Variants in TMEM177 observed in about 807,000 individuals in gnomAD.
The protein encoded by TMEM177 is transmembrane protein 177.
Under a neutral mutation model 14.2 loss-of-function variants are expected in TMEM177, and 4 were observed. That is an observed-to-expected ratio of 0.28 (90% CI 0.14 to 0.64). TMEM177 has a LOEUF of 0.64. Among genes scored for constraint, TMEM177 ranks in the 30% least tolerant of loss-of-function variants. The pLI is 0.82. For missense variants in TMEM177, 344 were observed against 405.2 expected, an observed-to-expected ratio of 0.85 and a Z score of 1.30; for synonymous variants, 179 against 174.5, an observed-to-expected ratio of 1.03 and a Z score of -0.20.
chr2:119,713,668 C>T, the TMEM177 span, among the ~76,000 whole-genome samples: 4 of 152,070 alleles, frequency 2.6e-5, no homozygotes, highest in African/African-American at 4.8e-5. Flanking sequence ...TGAGAGACCC[C>T]ATCTCTTGAA....
the TMEM177 span, among the ~76,000 whole-genome samples, chr2:119,692,002 C>G: frequency 6.6e-6 from 1 of 152,200 alleles, no homozygotes; most frequent in Admixed American, 6.5e-5. Flanking sequence ...AGAGGAAGCA[C>G]AACCGATGTC....
chr2:119,694,597 GC>G, the TMEM177 span, among the ~76,000 whole-genome samples: 3 of 152,322 alleles, frequency 2.0e-5, no homozygotes, highest in East Asian at 5.8e-4. Flanking sequence ...CCTCCTCCTG[GC>G]CCCTTTGAAG....
the TMEM177 span, among the ~76,000 whole-genome samples, chr2:119,708,680 C>CAT: frequency 1.4e-5 from 2 of 145,828 alleles, no homozygotes; most frequent in African/African-American, 2.5e-5. Context: ...CACACATACA[C>CAT]ACACACACAG....
At chr2:119,684,517 A>T (rs1254628577), downstream of TMEM177, among the ~76,000 whole-genome samples, 1 of 134,460 alleles carries the variant, frequency 7.4e-6, no homozygotes, top group Non-Finnish European at 1.6e-5. Flanking sequence ...ACAGCTCTAA[A>T]TTGAGGCTCT....
At chr2:119,702,840 T>C in the TMEM177 span, among the ~76,000 whole-genome samples, 1 of 152,202 alleles carries the variant, frequency 6.6e-6, no homozygotes, top group Non-Finnish European at 1.5e-5. Flanking sequence ...CCTCCTGCTC[T>C]AACCAAAACA....
chr2:119,680,831 G>C lies in TMEM177; in HGVS notation c.-22-1G>C. Reference sequence around the variant, plus strand: ...GCTGACTTCTCTTTTTCTTGGCCCAGATTGTCCGCAGTGACTACACTCATG... The same window carrying C: ...GCTGACTTCTCTTTTTCTTGGCCCACATTGTCCGCAGTGACTACACTCATG... On this transcript the variant is annotated splice_acceptor_variant, in intron 1 of 1. Coordinates refer to ENST00000272521, the MANE Select transcript of TMEM177 (RefSeq NM_030577.3). LOFTEE classifies it low-confidence loss of function (5UTR_SPLICE). 1 of 1,597,382 alleles carries C rather than the reference G, an allele frequency of 6.3e-7. No individual in the cohort carries two copies. Among genetic ancestry groups the C allele is most frequent in the Non-Finnish European group, 8.6e-7 (1 of 1,168,848 alleles).
the TMEM177 span, among the ~76,000 whole-genome samples, chr2:119,721,975 C>T: frequency 6.6e-6 from 1 of 152,188 alleles, no homozygotes; most frequent in African/African-American, 2.4e-5. Context: ...ATTGGCTAAT[C>T]AATCTTCCCA....
chr2:119,681,251 G>A lies in TMEM177; in HGVS notation c.398G>A (p.Ser133Asn). The A allele has an allele frequency of 6.2e-7, 1 of 1,614,254 alleles. No individual in the cohort carries two copies. Among genetic ancestry groups the A allele is most frequent in the Non-Finnish European group, 8.5e-7 (1 of 1,180,044 alleles). ...VIHGHTVDWR[S>N]PAGARLRASL... ...CATGGGCATACAGTGGACTGGCGGA[G>A]CCCAGCAGGCGCCCGGCTGAGAGCT... The change falls in exon 2 of 2, where the codon AGC becomes AAC. Residue 133 changes from serine to asparagine, a missense_variant. Ser to Asn is a conservative substitution (Grantham distance 46). Coordinates refer to ENST00000272521, the MANE Select transcript of TMEM177 (RefSeq NM_030577.3).
At chr2:119,706,019 A>ATATATTATT in the TMEM177 span, among the ~76,000 whole-genome samples, 37 of 136,222 alleles carry the variant, frequency 2.7e-4, no homozygotes, top group African/African-American at 7.6e-4. Context: ...TATTATATAT[A>ATATATTATT]TTTATATATA....
At chr2:119,695,740 C>G in the TMEM177 span, among the ~76,000 whole-genome samples, 1 of 152,210 alleles carries the variant, frequency 6.6e-6, no homozygotes, top group African/African-American at 2.4e-5. Context: ...TTTTTTTGAA[C>G]TTCACAGCAC....
At chr2:119,718,250 AG>A in the TMEM177 span, among the ~76,000 whole-genome samples, 17 of 152,288 alleles carry the variant, frequency 1.1e-4, no homozygotes, top group South Asian at 3.3e-3. Flanking sequence ...TTCCTTACCA[AG>A]CTGTGTCAGG....
downstream of TMEM177, among the ~76,000 whole-genome samples, chr2:119,690,759 G>T (rs115733964): frequency 1.3e-5 from 2 of 152,218 alleles, no homozygotes; most frequent in Admixed American, 1.3e-4. Context: ...CTAGTTAAGC[G>T]CGGACAGCTC....
chr2:119,699,070 G>A, the TMEM177 span: 20 of 200,604 alleles, frequency 1.0e-4, no homozygotes, highest in African/African-American at 4.2e-4. Flanking sequence ...GCCACGAAGT[G>A]TCTGAACGAT....
the TMEM177 span, among the ~76,000 whole-genome samples, chr2:119,705,166 A>G: frequency 1.3e-5 from 2 of 152,176 alleles, no homozygotes; most frequent in Non-Finnish European, 2.9e-5. Flanking sequence ...TTCTTGTACC[A>G]AAGCATCTTT....
chr2:119,703,196 C>T, the TMEM177 span, among the ~76,000 whole-genome samples: 2 of 152,224 alleles, frequency 1.3e-5, no homozygotes, highest in African/African-American at 4.8e-5. Flanking sequence ...TGGGCCCAGC[C>T]CTGCATTTTC....
the TMEM177 span, among the ~76,000 whole-genome samples, chr2:119,694,289 C>T: frequency 2.4e-4 from 37 of 151,178 alleles, no homozygotes; most frequent in African/African-American, 8.8e-4. Flanking sequence ...ACCACACACA[C>T]ACACACACAC....
the TMEM177 span, among the ~76,000 whole-genome samples, chr2:119,722,691 G>A: frequency 6.6e-6 from 1 of 152,222 alleles, no homozygotes; most frequent in African/African-American, 2.4e-5. Flanking sequence ...TAAATGCATA[G>A]TATTTGACAC....
At chr2:119,708,661 A>T in the TMEM177 span, among the ~76,000 whole-genome samples, 1 of 151,056 alleles carries the variant, frequency 6.6e-6, no homozygotes, top group African/African-American at 2.5e-5. Flanking sequence ...ACACACACAC[A>T]CACACACACA....
At chr2:119,718,377 T>C in the TMEM177 span, among the ~76,000 whole-genome samples, 64,616 of 151,994 alleles carry the variant, frequency 0.43, 13,760 homozygotes, top group South Asian at 0.48. Flanking sequence ...CCTCTTTAAA[T>C]GGGGACTGGG....
Sources: gnomAD v4.1 joint callset for allele counts (sites outside exome capture counted in the v4.1 genomes callset) on GRCh38, gnomAD v4.1.1 for gene constraint, MANE v1.5 for transcripts, NCBI Gene and HGNC (gene_info 2026-07-23, HGNC 2026-07-21) for gene names.